The following TMEM132A variants were observed in gnomAD, a reference collection of about 807,000 sequenced individuals.
The protein encoded by TMEM132A is GRP78-binding protein.
TMEM132A carries 48 observed loss-of-function variants against 69.9 expected under a neutral mutation model. That is an observed-to-expected ratio of 0.69 (90% confidence interval 0.55 to 0.87). The LOEUF is 0.87. Ranked by LOEUF, TMEM132A falls within the 40% of genes least tolerant of loss-of-function variation. The pLI is 0.00. For missense variants in TMEM132A, 1,287 were observed against 1,407.2 expected (o/e 0.91, Z 1.37); for synonymous variants, 577 against 613.7 (o/e 0.94, Z 0.88).
At chr11:60,927,943 A>C in intron 3 of TMEM132A, 84 bp downstream of exon 3, 1 of 1,234,584 alleles carries the variant, frequency 8.1e-7, no homozygotes, top group Non-Finnish European at 1.1e-6. Flanking sequence ...GGAAACCCCC[A>C]CTCCTGGGAA....
rs749145764 is a variant in TMEM132A, at chr11:60,936,788, G to A, written c.2953G>A (p.Ala985Thr). 1 of 1,613,402 alleles carries A rather than the reference G, an allele frequency of 6.2e-7. No homozygotes were observed. Among genetic ancestry groups the A allele is most frequent in the Non-Finnish European group, 8.5e-7 (1 of 1,179,760 alleles). Residue 985 changes from alanine to threonine, a missense_variant, in exon 11 of 11, where the codon GCT becomes ACT. Ala to Thr is a moderately conservative substitution (Grantham distance 58). Coordinates refer to ENST00000453848, the MANE Select transcript of TMEM132A (RefSeq NM_178031.3). Reference protein sequence around the residue: ...QSPEEPVGAPAVQSILVAGEE... With the variant: ...QSPEEPVGAPTVQSILVAGEE... ...ACCTGAGGAGCCTGTAGGGGCCCCT[G>A]CTGTGCAGTCCATCCTTGTGGCAGG... is the stretch of plus-strand genomic sequence containing the variant.
chr11:60,929,077 TC>T, intron 4 of TMEM132A, 117 bp downstream of exon 4: 1 of 991,680 alleles, frequency 1.0e-6, no homozygotes, highest in Non-Finnish European at 1.5e-6. Context: ...AAAACATGTG[TC>T]CACCAAACTA....
rs551579079 is a variant in TMEM132A, at chr11:60,924,771, G to A, written c.100+38G>A. 3.1e-4 allele frequency: 439 copies of A among 1,428,794 alleles called. 1 individual carries two copies. The highest frequency in any genetic ancestry group is 1.1e-3 in the Middle Eastern group (5 of 4,524). The allele number at this position is 1,428,794 out of a possible 1,614,324, so 88.5% of individuals were successfully genotyped here. On this transcript the variant is annotated intron_variant, in intron 1 of 10. Transcript: ENST00000453848. ...GGAGGGCCGGGGCGAGGGGCGGCCG[G>A]GCCCGGCCGAGTGGGAGCGAGTGAT... is the stretch of plus-strand genomic sequence containing the variant.
At chr11:60,933,309 A>C in intron 7 of TMEM132A, 2 of 547,824 alleles carry the variant, frequency 3.7e-6, no homozygotes, top group Non-Finnish European at 6.5e-6. Flanking sequence ...CAGCCTCCCC[A>C]GTAGCTAGGA....
rs373929510 is a variant in TMEM132A, at chr11:60,934,714, G to C, written c.1786G>C (p.Glu596Gln). The change falls in exon 9 of 11, where the codon GAG (glutamate) becomes CAG (glutamine). Residue 596 changes from glutamate to glutamine, a missense_variant. Glu to Gln is a conservative substitution (Grantham distance 29, BLOSUM62 2). Transcript: ENST00000453848. ...RVLDSRVASL[E>Q]GGRVVVGREP... The stretch of plus-strand genomic sequence containing the variant: ...GCTGGACTCGCGTGTAGCCTCTCTG[G>C]AGGGTGGCCGTGTCGTGGTGGGCCG... 6.2e-7 allele frequency: 1 copy of C among 1,607,800 alleles called. No homozygotes were observed. The highest frequency in any genetic ancestry group is 2.2e-5 in the East Asian group (1 of 44,768).
At position 60,924,679 on chromosome 11, in the gene TMEM132A, C is replaced by T. The variant is rs1386140665; in HGVS notation, c.46C>T (p.Pro16Ser). 3 of 1,592,274 alleles carry T rather than the reference C, an allele frequency of 1.9e-6. No homozygotes were observed. The highest frequency in any genetic ancestry group is 1.4e-5 in the African/African-American group (1 of 73,944). The change falls in exon 1 of 11, where the codon CCC becomes TCC. Residue 16 changes from proline (P) to serine (S), a missense_variant. Pro to Ser is a moderately conservative substitution (Grantham distance 74, BLOSUM62 -1). Coordinates refer to ENST00000453848, the MANE Select transcript of TMEM132A (RefSeq NM_178031.3). ...TCGCACAACAGCGGCCCCTCGGGGG[C>T]CCTACGGCCCCTGGCTCTGCCTCCT... The part of the protein sequence containing the change: ...AGRTTAAPRG[P>S]YGPWLCLLVA...
In TMEM132A at chr11:60,935,711, C is replaced by T. The variant is rs561357536; in HGVS notation, c.2029-153C>T. On this transcript the variant is annotated intron_variant, in intron 10 of 10. Transcript: ENST00000453848. The surrounding 1 kb of genome is among the most constrained non-coding windows in gnomAD (Gnocchi z 5.0). ...CTGAGTGGCAGACAGGTGATTGACACGCGTCCCCTCTCTCCCTGTGTTTTG... is the reference window on the plus strand; with the variant it reads ...CTGAGTGGCAGACAGGTGATTGACATGCGTCCCCTCTCTCCCTGTGTTTTG... 163 of 950,640 alleles carry T rather than the reference C, an allele frequency of 1.7e-4. No homozygotes were observed. The highest frequency in any genetic ancestry group is 1.5e-3 in the African/African-American group (93 of 60,580). The allele number at this position is 950,640 out of a possible 1,614,324, so 58.9% of individuals were successfully genotyped here.
At position 60,934,519 on chromosome 11, in the gene TMEM132A, G is replaced by A; in HGVS notation, c.1591G>A (p.Glu531Lys). 1.7e-5 allele frequency: 25 copies of A among 1,438,200 alleles called. No homozygotes were observed. The highest frequency in any genetic ancestry group is 2.0e-5 in the Non-Finnish European group (22 of 1,105,432). 89.1% of individuals were successfully genotyped at this position (1,438,200 alleles called of 1,614,324 possible). A position where few individuals can be genotyped will look rare whatever the true frequency, so the allele number is the denominator to read the frequency against. The change falls in exon 9 of 11, where the codon GAG becomes AAG. Residue 531 changes from glutamate to lysine, a missense_variant. Transcript: ENST00000453848. ...GGAACCCGCTGCAGAGGCGTCGGAT[G>A]AGGCCGAGCGGCGCGCCCGTGGCTG... ...PAEPAAEASD[E>K]AERRARGCHL...
chr11:60,930,362 G>T (rs1856448923), intron 4 of TMEM132A, 148 bp from the exon 5 acceptor site: 1 of 887,514 alleles, frequency 1.1e-6, no homozygotes, highest in Non-Finnish European at 1.7e-6. Flanking sequence ...CACTGAGGCG[G>T]GGTCCTTCTG....
chr11:60,936,096 G>T lies in TMEM132A; in HGVS notation c.2261G>T (p.Arg754Leu). ...GAGCCCTGCCGCCGGGGCCGCCACC[G>T]TGTGCCTCTGGCCTCTGGCACCGCC... ...PPEPCRRGRH[R>L]VPLASGTAWL... Residue 754 changes from arginine (R) to leucine (L), a missense_variant, in exon 11 of 11, where the codon CGT (arginine) becomes CTT (leucine). Coordinates refer to ENST00000453848, the MANE Select transcript of TMEM132A (RefSeq NM_178031.3). 6.2e-7 allele frequency: 1 copy of T among 1,611,446 alleles called. No homozygotes were observed. Among genetic ancestry groups the T allele is most frequent in the Non-Finnish European group, 8.5e-7 (1 of 1,179,006 alleles).
In TMEM132A at chr11:60,924,549, G is replaced by T; in HGVS notation, c.-85G>T. 8.7e-7 allele frequency: 1 copy of T among 1,154,738 alleles called. No homozygotes were observed. Among genetic ancestry groups the T allele is most frequent in the East Asian group, 3.3e-5 (1 of 30,734 alleles). The allele number at this position is 1,154,738 out of a possible 1,614,324, so 71.5% of individuals were successfully genotyped here. A position where few individuals can be genotyped will look rare whatever the true frequency, so the allele number is the denominator to read the frequency against. ...GCCGGGACCCAGCGGGCCAGGTGGG[G>T]ACGGCGCGGAGCGGGTGCGGGAGAT... On this transcript the variant is annotated 5_prime_UTR_variant, in exon 1 of 11. Transcript: ENST00000453848.
chr11:60,933,693 A>T lies in TMEM132A; in HGVS notation c.1508A>T (p.Asp503Val). 2 of 1,602,962 alleles carry T rather than the reference A, an allele frequency of 1.2e-6. No homozygotes were observed. Among genetic ancestry groups the T allele is most frequent in the Non-Finnish European group, 1.7e-6 (2 of 1,176,928 alleles). Residue 503 changes from aspartate to valine, a missense_variant, in exon 8 of 11, where the codon GAC (aspartate) becomes GTC (valine). Physicochemically the swap from Asp to Val is radical, Grantham distance 152. Transcript: ENST00000453848. The stretch of plus-strand genomic sequence containing the variant: ...CTACCGCTGCGTATCGAGCTCACCG[A>T]CACCACCCTCGAGCAGGTCCGCGGC... ...PLLPLRIELT[D>V]TTLEQVRGWR...
intron 7 of TMEM132A, chr11:60,933,208 A>T: frequency 3.9e-6 from 1 of 258,296 alleles, no homozygotes; most frequent in Non-Finnish European, 7.3e-6. Context: ...ATTTTGAAAC[A>T]GAGTCTCACT....
Position 60,935,676 on chromosome 11 carries a change from GA to G in TMEM132A, c.2029-187del. On this transcript the variant is annotated intron_variant, in intron 10 of 10. Transcript: ENST00000453848. The surrounding 1 kb of genome is among the most constrained non-coding windows in gnomAD (Gnocchi z 5.0). The stretch of plus-strand genomic sequence containing the variant: ...AACTGAGGACCCTCCCAATAACTCA[GA>G]CCCTAGGGCTGAGTGGCAGACAGGT... 1 of 806,108 alleles carries G rather than the reference GA, an allele frequency of 1.2e-6. No individual in the cohort carries two copies. The highest frequency in any genetic ancestry group is 1.9e-6 in the Non-Finnish European group (1 of 519,152). 49.9% of individuals were successfully genotyped at this position (806,108 alleles called of 1,614,324 possible). A position where few individuals can be genotyped will look rare whatever the true frequency, so the allele number is the denominator to read the frequency against.
In TMEM132A at chr11:60,936,431, G is replaced by T. The variant is rs1856603874; in HGVS notation, c.2596G>T (p.Val866Phe). The T allele has an allele frequency of 6.2e-7, 1 of 1,614,202 alleles. No individual in the cohort carries two copies. Among genetic ancestry groups the T allele is most frequent in the Non-Finnish European group, 8.5e-7 (1 of 1,180,022 alleles). Residue 866 changes from valine to phenylalanine, a missense_variant, in exon 11 of 11, where the codon GTC (valine) becomes TTC (phenylalanine). By Grantham distance (50) the Val-to-Phe change is conservative. Transcript: ENST00000453848. ...VFCVAIFIFL[V>F]NGVVFVLRYQ... ...CTGCGTGGCCATCTTCATCTTCTTG[G>T]TCAATGGTGTGGTCTTCGTCCTGCG... is the stretch of plus-strand genomic sequence containing the variant.
intron 1 of TMEM132A, chr11:60,925,177 A>T (rs1311262401): frequency 6.4e-6 from 1 of 155,160 alleles, no homozygotes; most frequent in Non-Finnish European, 1.4e-5. Flanking sequence ...GACCTGCAAC[A>T]GACGCAAGCC....
Position 60,931,876 on chromosome 11 carries a change from C to T in TMEM132A, c.1204C>T (p.Leu402=). The part of the protein sequence containing the change: ...SERDIRALIP[L]AKAEELVNTA... Reference sequence around the variant, plus strand: ...GCGGGACATCAGAGCCCTTATCCCACTGGCCAAGGTAAGGAGACCTCCATC... The same window carrying T: ...GCGGGACATCAGAGCCCTTATCCCATTGGCCAAGGTAAGGAGACCTCCATC... The change falls in exon 6 of 11, where the codon CTG becomes TTG. Residue 402 remains leucine, a synonymous_variant. Transcript: ENST00000453848. The T allele has an allele frequency of 6.2e-7, 1 of 1,614,242 alleles. No individual in the cohort carries two copies. Among genetic ancestry groups the T allele is most frequent in the South Asian group, 1.1e-5 (1 of 91,092 alleles).
At chr11:60,930,326 G>A (rs1453018733) in intron 4 of TMEM132A, among the ~76,000 whole-genome samples, 184 bp from the exon 5 acceptor site, 3 of 152,196 alleles carry the variant, frequency 2.0e-5, no homozygotes, top group Non-Finnish European at 2.9e-5. Flanking sequence ...GTCTTTGGGT[G>A]GGGGAGAGCT....
intron 7 of TMEM132A, 42 bp from the exon 8 acceptor site, chr11:60,933,500 T>G: frequency 6.4e-7 from 1 of 1,555,418 alleles, no homozygotes; most frequent in Non-Finnish European, 8.7e-7. Context: ...ACACCTGTCT[T>G]TAGTGGCTTA....
Sources: gnomAD v4.1 joint callset for allele counts (sites outside exome capture counted in the v4.1 genomes callset) on GRCh38, gnomAD v4.1.1 for gene constraint, Gnocchi (gnomAD v3.1) non-coding constraint, MANE v1.5 for transcripts, NCBI Gene and HGNC (gene_info 2026-07-23, HGNC 2026-07-21) for gene names.